XPNPEP2: variants seen among roughly 807,000 people sequenced by gnomAD.
XPNPEP2 encodes xaa-Pro aminopeptidase 2.
Under a neutral mutation model 59.8 loss-of-function variants are expected in XPNPEP2, and 64 were observed. The ratio of observed to expected loss-of-function variants is 1.07; its 90% CI spans 0.87 to 1.32. The LOEUF (loss-of-function observed/expected upper bound fraction) is 1.32, where lower values mean the gene tolerates loss of function less well. Ranked by LOEUF, XPNPEP2 falls within the 40% of genes most tolerant of loss-of-function variation. The probability of loss-of-function intolerance (pLI) is 0.00; values close to 1 mark genes in which losing one functional copy is unlikely to be tolerated. For missense variants in XPNPEP2, 575 were observed against 546.8 expected, an observed-to-expected ratio of 1.05 and a Z score of -0.51; for synonymous variants, 235 against 210.0, an observed-to-expected ratio of 1.12 and a Z score of -1.03.
chrX:129,759,027 T>C (rs1201521863), intron 14 of XPNPEP2, among the ~76,000 whole-genome samples, 153 bp from the exon 15 acceptor site: 1 of 112,134 alleles, frequency 8.9e-6, no homozygotes, highest in African/African-American at 3.2e-5. Flanking sequence ...ACATAGGTGC[T>C]GAAGAGGGGA....
At chrX:129,753,371 G>A (rs1324435198) in intron 11 of XPNPEP2, 123 bp downstream of exon 11, 17 of 644,972 alleles carry the variant, frequency 2.6e-5, no homozygotes, top group African/African-American at 8.9e-5. Context: ...AGCTGGGCGC[G>A]GTGGCTCACG....
Position 129,768,967 on chromosome X carries a change from C to A in XPNPEP2, c.*482C>A, listed in dbSNP as rs1332387668. 1.8e-5 allele frequency: 2 copies of A among 113,609 alleles called. No individual in the cohort carries two copies. Among genetic ancestry groups the A allele is most frequent in the Non-Finnish European group, 3.7e-5 (2 of 54,345 alleles). The allele number at this position is 113,609 out of a possible 1,213,427, so 9.4% of individuals were successfully genotyped here. ...AGCCAGGGCATGAAACATCAACCCC[C>A]CACATGTGAACCCATCATTCCTAAA... On this transcript the variant is annotated 3_prime_UTR_variant, in exon 21 of 21. Transcript: ENST00000371106.
chrX:129,754,693 C>T (rs1165688445), intron 12 of XPNPEP2, 112 bp downstream of exon 12: 7 of 684,804 alleles, frequency 1.0e-5, no homozygotes, highest in Admixed American at 3.3e-5. Context: ...TCCTCATATG[C>T]GTGCTGGGTG....
intron 12 of XPNPEP2, 57 bp from the exon 13 acceptor site, chrX:129,755,237 G>C: frequency 9.0e-7 from 1 of 1,111,616 alleles, no homozygotes; most frequent in East Asian, 3.0e-5. Context: ...AGATATCCCG[G>C]GCCCAGCCTA....
rs770889491 is a variant in XPNPEP2, at chrX:129,742,188, GCCCCCTGCCCCCCGCGCACGGC to G, written c.123+15_123+36del. 2 of 1,122,690 alleles carry G rather than the reference GCCCCCTGCCCCCCGCGCACGGC, an allele frequency of 1.8e-6. No individual in the cohort carries two copies. The highest frequency in any genetic ancestry group is 1.9e-5 in the South Asian group (1 of 51,356). The allele number at this position is 1,122,690 out of a possible 1,213,427, so 92.5% of individuals were successfully genotyped here. On this transcript the variant is annotated splice_region_variant and intron_variant, in intron 2 of 20. Coordinates refer to ENST00000371106, the MANE Select transcript of XPNPEP2 (RefSeq NM_003399.6). Reference sequence around the variant, plus strand: ...CTGTTCCACCAACCCCCCTGTGAGTGCCCCCTGCCCCCCGCGCACGGCCCCCCTGGCCCCACGCACCCCCCCA... The same window carrying G: ...CTGTTCCACCAACCCCCCTGTGAGTGCCCCCTGGCCCCACGCACCCCCCCA...
intron 15 of XPNPEP2, 143 bp from the exon 16 acceptor site, chrX:129,760,369 C>A: frequency 1.7e-6 from 1 of 583,732 alleles, no homozygotes; most frequent in Non-Finnish European, 2.7e-6. Context: ...CCCGGGCAGC[C>A]ACACATAACG....
rs1439379019 is a variant in XPNPEP2 at position 129,751,760 on chromosome X, G to A, written c.755G>A (p.Arg252Gln). ...LEETAWLFNL[R>Q]ASDIPYNPFF... ...CTCTTCCCAGGGCTCTTCAACCTTC[G>A]AGCCAGTGACATCCCCTATAACCCC... is the stretch of plus-strand genomic sequence containing the variant. The change falls in exon 9 of 21, where the codon CGA becomes CAA. Residue 252 changes from arginine (R) to glutamine (Q), a missense_variant. Arg to Gln is a conservative substitution (Grantham distance 43, BLOSUM62 1). Coordinates refer to ENST00000371106, the MANE Select transcript of XPNPEP2 (RefSeq NM_003399.6). 10 of 1,208,111 alleles carry A rather than the reference G, an allele frequency of 8.3e-6. No homozygotes were observed. The highest frequency in any genetic ancestry group is 7.1e-5 in the South Asian group (4 of 56,724).
intron 7 of XPNPEP2, among the ~76,000 whole-genome samples, chrX:129,748,885 A>AGTTT (rs1926346208): frequency 1.8e-5 from 2 of 111,413 alleles, no homozygotes; most frequent in Non-Finnish European, 3.8e-5. Flanking sequence ...TTCAAGAAAA[A>AGTTT]GGCACCTGGA....
chrX:129,767,460 G>A, intron 19 of XPNPEP2, 143 bp from the exon 20 acceptor site: 1 of 536,863 alleles, frequency 1.9e-6, no homozygotes, highest in East Asian at 3.5e-5. Context: ...ACTCTAGAAG[G>A]CTCAGGCCTA....
intron 19 of XPNPEP2, among the ~76,000 whole-genome samples, chrX:129,766,102 A>G (rs1926747036): frequency 9.0e-6 from 1 of 111,519 alleles, no homozygotes; most frequent in South Asian, 3.7e-4. Context: ...ATGAAAATTC[A>G]CCCTCTCTCT....
intron 2 of XPNPEP2, among the ~76,000 whole-genome samples, chrX:129,743,054 C>A (rs1368599894): frequency 8.9e-6 from 1 of 111,916 alleles, no homozygotes; most frequent in Non-Finnish European, 1.9e-5. Flanking sequence ...TTTCTACAAT[C>A]AGAGTAGGGC....
chrX:129,764,699 C>T (rs369593485), intron 19 of XPNPEP2, among the ~76,000 whole-genome samples: 1 of 107,015 alleles, frequency 9.3e-6, no homozygotes, highest in East Asian at 2.9e-4. Flanking sequence ...CATGGTGGCT[C>T]ACACCTGTAA....
intron 15 of XPNPEP2, 35 bp from the exon 16 acceptor site, chrX:129,760,477 C>T (rs1426704629): frequency 1.7e-6 from 2 of 1,193,976 alleles, no homozygotes; most frequent in South Asian, 3.6e-5. Flanking sequence ...GCTCCTCCTC[C>T]CGTCCTCCAT....
chrX:129,745,125 C>A, intron 3 of XPNPEP2, 78 bp from the exon 4 acceptor site: 1 of 1,121,351 alleles, frequency 8.9e-7, no homozygotes, highest in East Asian at 3.0e-5. Flanking sequence ...ACAGAAATAA[C>A]TGGGATGTGG....
chrX:129,758,950 G>A (rs989852319), intron 14 of XPNPEP2, among the ~76,000 whole-genome samples: 2 of 111,481 alleles, frequency 1.8e-5, no homozygotes, highest in African/African-American at 6.5e-5. Flanking sequence ...AGTGTGTAGG[G>A]TGGGGAGTCA....
intron 19 of XPNPEP2, 85 bp from the exon 20 acceptor site, chrX:129,767,518 G>A (rs1361166071): frequency 4.1e-6 from 4 of 966,301 alleles, no homozygotes; most frequent in Non-Finnish European, 5.9e-6. Flanking sequence ...TGTCCTCCGG[G>A]TGGAGTGCTC....
chrX:129,742,382 TC>T (rs1242436874), intron 2 of XPNPEP2, among the ~76,000 whole-genome samples: 1 of 96,401 alleles, frequency 1.0e-5, no homozygotes, highest in Non-Finnish European at 2.1e-5. Flanking sequence ...CTCCACTCCC[TC>T]CCCTCCACAT....
At chrX:129,743,172 A>G (rs895909488) in intron 2 of XPNPEP2, among the ~76,000 whole-genome samples, 2 of 112,671 alleles carry the variant, frequency 1.8e-5, no homozygotes, top group African/African-American at 6.5e-5. Flanking sequence ...GGGTGGGCAA[A>G]CCACATTACT....
chrX:129,767,561 C>T (rs1926773450), intron 19 of XPNPEP2, 42 bp from the exon 20 acceptor site: 2 of 1,170,769 alleles, frequency 1.7e-6, no homozygotes, highest in South Asian at 1.8e-5. Flanking sequence ...CCTCCTCCTC[C>T]CTCACTGTCC....
Sources: allele counts gnomAD v4.1 joint callset (sites outside exome capture counted in the v4.1 genomes callset), GRCh38; gene constraint gnomAD v4.1.1; transcripts MANE v1.5; gene names NCBI Gene and HGNC (gene_info 2026-07-23, HGNC 2026-07-21).